Variants in LINGO2 observed in about 807,000 individuals in gnomAD.
LINGO2 encodes the protein leucine rich repeat and Ig domain containing 2, also known as leucine-rich repeat and immunoglobulin-like domain-containing nogo receptor-interacting protein 2.
A neutral mutation model predicts 30.6 loss-of-function variants in LINGO2; 14 were observed. The ratio of observed to expected loss-of-function variants is 0.46; its 90% CI spans 0.30 to 0.72. The LOEUF is 0.72. Ranked by LOEUF, LINGO2 falls within the 30% of genes least tolerant of loss-of-function variation. LINGO2 has a pLI of 0.07. For synonymous variants in LINGO2, 317 were observed against 288.5 expected (o/e 1.10, Z -1.00); for missense variants, 729 against 751.7 (o/e 0.97, Z 0.35).
the LINGO2 span, among the ~76,000 whole-genome samples, chr9:29,161,411 T>C: frequency 6.6e-6 from 1 of 152,214 alleles, no homozygotes; most frequent in East Asian, 1.9e-4. Flanking sequence ...GCCCTGAACC[T>C]GACATAAGCT....
chr9:28,763,994 C>T, the LINGO2 span, among the ~76,000 whole-genome samples: 1 of 151,394 alleles, frequency 6.6e-6, no homozygotes, highest in Non-Finnish European at 1.5e-5. Flanking sequence ...TCTGAATAGA[C>T]CAATAACAAA....
chr9:28,307,425 T>C (rs755464661), intron 3 of LINGO2, among the ~76,000 whole-genome samples: 1 of 152,192 alleles, frequency 6.6e-6, no homozygotes, highest in Non-Finnish European at 1.5e-5. Context: ...TGATGGGACG[T>C]ATCTCAAAAC....
intron 5 of LINGO2, among the ~76,000 whole-genome samples, chr9:28,009,502 T>G (rs2119229270): frequency 6.6e-6 from 1 of 152,166 alleles, no homozygotes. Context: ...GAAGACTATA[T>G]ATAGAACTTT....
chr9:28,635,361 A>G (rs1321534448), intron 1 of LINGO2, among the ~76,000 whole-genome samples: 1 of 152,190 alleles, frequency 6.6e-6, no homozygotes, highest in East Asian at 1.9e-4. Context: ...ACAATATGAT[A>G]TTTGATATAA....
chr9:28,826,418 G>C, the LINGO2 span, among the ~76,000 whole-genome samples: 1 of 152,158 alleles, frequency 6.6e-6, no homozygotes, highest in African/African-American at 2.4e-5. Context: ...CTCTGCTTCA[G>C]TGGGCCAGAT....
chr9:27,982,474 TTAAG>T (rs953028591), intron 5 of LINGO2, among the ~76,000 whole-genome samples: 11 of 151,970 alleles, frequency 7.2e-5, no homozygotes, highest in Middle Eastern at 3.4e-3. Flanking sequence ...CTAATATTTA[TTAAG>T]TGTTTCCTAC....
intron 2 of LINGO2, among the ~76,000 whole-genome samples, chr9:28,374,415 AAAG>A (rs999795646): frequency 2.0e-5 from 3 of 152,042 alleles, no homozygotes; most frequent in South Asian, 2.1e-4. Context: ...AACAACATAG[AAAG>A]AAGGACATCC....
At chr9:28,949,738 G>C in the LINGO2 span, among the ~76,000 whole-genome samples, 1 of 152,066 alleles carries the variant, frequency 6.6e-6, no homozygotes, top group Admixed American at 6.6e-5. Flanking sequence ...GAAAAAGAGG[G>C]ACTCCTCCCT....
chr9:28,431,720 T>G (rs1275272454), intron 2 of LINGO2, among the ~76,000 whole-genome samples: 7 of 152,196 alleles, frequency 4.6e-5, no homozygotes, highest in Non-Finnish European at 7.3e-5. Context: ...GCCCTGTGGC[T>G]GAAACACTGA....
the LINGO2 span, among the ~76,000 whole-genome samples, chr9:28,960,459 C>A: frequency 6.6e-6 from 1 of 151,384 alleles, no homozygotes; most frequent in East Asian, 2.0e-4. Flanking sequence ...ATGATGGAGT[C>A]ATATGATGGA....
chr9:28,465,020 C>G (rs1333224518), intron 2 of LINGO2, among the ~76,000 whole-genome samples: 1 of 152,166 alleles, frequency 6.6e-6, no homozygotes, highest in African/African-American at 2.4e-5. Flanking sequence ...GCGCCGCCCC[C>G]CCGCCCCACA....
At chr9:28,590,376 G>A (rs944699765) in intron 1 of LINGO2, among the ~76,000 whole-genome samples, 9 of 152,000 alleles carry the variant, frequency 5.9e-5, no homozygotes, top group Non-Finnish European at 1.3e-4. Flanking sequence ...GCAACCTACA[G>A]AATGGGAGAA....
At chr9:29,056,042 GT>G in the LINGO2 span, among the ~76,000 whole-genome samples, 2 of 151,644 alleles carry the variant, frequency 1.3e-5, no homozygotes, top group South Asian at 4.2e-4. Flanking sequence ...AGGTTCCATA[GT>G]TTTGTTACTG....
At chr9:27,996,920 G>C (rs1256242816) in intron 5 of LINGO2, among the ~76,000 whole-genome samples, 1 of 152,056 alleles carries the variant, frequency 6.6e-6, no homozygotes, top group Non-Finnish European at 1.5e-5. Flanking sequence ...AACACTTAAA[G>C]AGCCCAATAA....
chr9:28,452,552 T>C (rs549390843), intron 2 of LINGO2, among the ~76,000 whole-genome samples: 1 of 151,980 alleles, frequency 6.6e-6, no homozygotes, highest in South Asian at 2.1e-4. Flanking sequence ...GAATATTCTT[T>C]ATCCCCTACC....
Position 27,950,453 on chromosome 9 carries a change from GTTGACGCT to G in LINGO2, c.211_218del (p.Ser71ProfsTer2). On this transcript the variant is annotated frameshift_variant, in exon 6 of 6. Coordinates refer to ENST00000379992, the Ensembl canonical transcript of LINGO2. LOFTEE classifies it high-confidence loss of function. ...GAGGATATGATATGAATTCTTCAGGGTTGACGCTTTTTAGCCTGTTTTTACTGAGGTCC... is the reference window on the plus strand; with the variant it reads ...GAGGATATGATATGAATTCTTCAGGGTTTTAGCCTGTTTTTACTGAGGTCC... 1.2e-6 allele frequency: 2 copies of G among 1,611,102 alleles called. No homozygotes were observed. Among genetic ancestry groups the G allele is most frequent in the Non-Finnish European group, 1.7e-6 (2 of 1,177,876 alleles).
chr9:27,955,580 C>T (rs1819523636), intron 5 of LINGO2, among the ~76,000 whole-genome samples: 3 of 152,012 alleles, frequency 2.0e-5, no homozygotes, highest in Admixed American at 2.0e-4. Flanking sequence ...CTCTTATGTC[C>T]AGCATCTTTC....
At chr9:28,689,805 G>T in the LINGO2 span, among the ~76,000 whole-genome samples, 1 of 151,988 alleles carries the variant, frequency 6.6e-6, no homozygotes, top group African/African-American at 2.4e-5. Flanking sequence ...CAACAGCAAA[G>T]ACATAAAGTC....
At chr9:28,842,491 T>C in the LINGO2 span, among the ~76,000 whole-genome samples, 275 of 151,992 alleles carry the variant, frequency 1.8e-3, 9 homozygotes, top group African/African-American at 6.0e-3. Flanking sequence ...TCATGCCTTC[T>C]TCAGGCACAG....
Sources: allele counts gnomAD v4.1 joint callset (sites outside exome capture counted in the v4.1 genomes callset), GRCh38; gene constraint gnomAD v4.1.1; transcripts MANE v1.5; gene names NCBI Gene and HGNC (gene_info 2026-07-23, HGNC 2026-07-21).